CCDC171: variants seen among roughly 807,000 people sequenced by gnomAD.
The protein encoded by CCDC171 is coiled-coil domain containing 171.
A neutral mutation model predicts 168.2 loss-of-function variants in CCDC171; 177 were observed. The observed-to-expected ratio is 1.05, with a 90% CI of 0.93 to 1.19. The LOEUF is 1.19. CCDC171 is among the 50% of genes most tolerant of loss of function. CCDC171 has a pLI of 0.00. For missense variants in CCDC171, 1,991 were observed against 1,539.0 expected (o/e 1.29, Z -4.91); for synonymous variants, 687 against 540.8 (o/e 1.27, Z -3.75).
At chr9:16,017,869 A>G (rs1252321166) in intron 3 of CCDC171, among the ~76,000 whole-genome samples, 1 of 152,210 alleles carries the variant, frequency 6.6e-6, no homozygotes, top group Non-Finnish European at 1.5e-5. Context: ...GCAGCACCGC[A>G]GCACTGGGTC....
chr9:15,886,553 A>G (rs1051669472), intron 24 of CCDC171: 1 of 152,166 alleles, frequency 6.6e-6, no homozygotes, highest in Non-Finnish European at 1.5e-5. Flanking sequence ...GGAAAACAGT[A>G]TGGAATTTCC....
intron 3 of CCDC171, among the ~76,000 whole-genome samples, chr9:15,999,240 AAAGAAAAG>A (rs974121022): frequency 3.0e-4 from 45 of 151,606 alleles, no homozygotes; most frequent in African/African-American, 9.7e-4. Flanking sequence ...AGAAAGATAG[AAAGAAAAG>A]AAAGAAAGAG....
intron 6 of CCDC171, among the ~76,000 whole-genome samples, chr9:15,604,504 T>A (rs1337909917): frequency 2.0e-5 from 3 of 152,234 alleles, no homozygotes; most frequent in African/African-American, 7.2e-5. Flanking sequence ...ATTCTATACC[T>A]CAACCAGGGA....
rs367952979 is a variant in CCDC171 at position 15,874,575 on chromosome 9, A to G, written c.3512A>G (p.Asn1171Ser). 28 of 1,608,690 alleles carry G rather than the reference A, an allele frequency of 1.7e-5. No individual in the cohort carries two copies. In the African/African-American group the frequency reaches 3.2e-4, roughly 18 times the overall value. Residue 1171 changes from asparagine to serine, a missense_variant, in exon 24 of 26, where the codon AAT (asparagine) becomes AGT (serine). Transcript: ENST00000380701. ...ISLSWSAASR[N>S]DFTLQLPKLH... ...CTGTCATGGTCTGCGGCAAGTAGGA[A>G]TGACTTCACCCTACAGCTACCCAAA...
chr9:16,057,635 A>T (rs914097666), intron 1 of CCDC171, among the ~76,000 whole-genome samples: 1 of 152,162 alleles, frequency 6.6e-6, no homozygotes, highest in African/African-American at 2.4e-5. Context: ...TTGTCTCTTC[A>T]TGTGACCTGC....
chr9:16,041,421 G>T (rs565482708), upstream of CCDC171, among the ~76,000 whole-genome samples: 1 of 152,238 alleles, frequency 6.6e-6, no homozygotes, highest in South Asian at 2.1e-4. Flanking sequence ...GGAAGTTTAG[G>T]TGGGAAAGAT....
At chr9:15,605,957 A>G (rs1296802899) in intron 6 of CCDC171, among the ~76,000 whole-genome samples, 1 of 152,180 alleles carries the variant, frequency 6.6e-6, no homozygotes, top group African/African-American at 2.4e-5. Context: ...CATATGTTAC[A>G]TGACACCAGT....
At chr9:15,582,497 A>G (rs2041208118) in intron 4 of CCDC171, among the ~76,000 whole-genome samples, 1 of 152,216 alleles carries the variant, frequency 6.6e-6, no homozygotes, top group Admixed American at 6.5e-5. Context: ...TTATTGTGGC[A>G]CTGTTCACAA....
chr9:15,644,637 G>A (rs1161728023), intron 7 of CCDC171, among the ~76,000 whole-genome samples: 35 of 152,172 alleles, frequency 2.3e-4, no homozygotes, highest in Admixed American at 2.3e-3. Flanking sequence ...ACGGAGCCTC[G>A]CTTATTGCTA....
intron 7 of CCDC171, among the ~76,000 whole-genome samples, chr9:15,648,346 G>A (rs1306986387): frequency 6.6e-6 from 1 of 152,170 alleles, no homozygotes; most frequent in Non-Finnish European, 1.5e-5. Flanking sequence ...ACAATCCAGG[G>A]ATGCCCTCTC....
At chr9:15,636,676 G>A (rs776570454) in intron 7 of CCDC171, among the ~76,000 whole-genome samples, 5 of 151,070 alleles carry the variant, frequency 3.3e-5, no homozygotes, top group African/African-American at 1.2e-4. Flanking sequence ...TTGAGCCTGG[G>A]GAGTTTGGGC....
intron 6 of CCDC171, chr9:16,022,937 C>T (rs1459378499): frequency 2.6e-5 from 4 of 152,166 alleles, no homozygotes; most frequent in East Asian, 3.9e-4. Flanking sequence ...GTTGAATTAC[C>T]AGTGCCCTGG....
At chr9:16,013,721 A>G (rs528952695) in intron 3 of CCDC171, among the ~76,000 whole-genome samples, 4 of 152,266 alleles carry the variant, frequency 2.6e-5, no homozygotes, top group African/African-American at 7.2e-5. Flanking sequence ...TGAGTCACAG[A>G]TAATTTTTAA....
At chr9:15,786,812 C>T (rs1449243248) in intron 21 of CCDC171, among the ~76,000 whole-genome samples, 2 of 152,110 alleles carry the variant, frequency 1.3e-5, no homozygotes, top group African/African-American at 2.4e-5. Context: ...CATTCTTCTC[C>T]AGGACAATGG....
chr9:16,048,123 G>C (rs1303988121), intron 1 of CCDC171, among the ~76,000 whole-genome samples: 1 of 152,244 alleles, frequency 6.6e-6, no homozygotes, highest in Non-Finnish European at 1.5e-5. Flanking sequence ...GTCAAGTTTT[G>C]ACATTGGCTG....
intron 16 of CCDC171, among the ~76,000 whole-genome samples, chr9:15,730,182 C>T (rs569681170): frequency 1.3e-5 from 2 of 151,548 alleles, no homozygotes; most frequent in South Asian, 4.2e-4. Flanking sequence ...TGTGGAGGTT[C>T]CTATGTGAAC....
At chr9:15,577,963 G>C (rs1587094766) in intron 3 of CCDC171, among the ~76,000 whole-genome samples, 1 of 152,290 alleles carries the variant, frequency 6.6e-6, no homozygotes, top group East Asian at 1.9e-4. Flanking sequence ...AGTTGTCTCT[G>C]ACCTTCTGTC....
upstream of CCDC171, among the ~76,000 whole-genome samples, chr9:16,039,726 C>G (rs938521146): frequency 1.3e-5 from 2 of 152,158 alleles, no homozygotes; most frequent in Admixed American, 6.5e-5. Flanking sequence ...AGAATTTGCA[C>G]ACATTACTCC....
Position 15,933,828 on chromosome 9 carries a change from G to T in CCDC171, c.3753+13406G>T, listed in dbSNP as rs139004663. Among the ~76,000 whole-genome samples, 384 of 152,028 alleles carry T rather than the reference G, an allele frequency of 2.5e-3. 1 individual carries two copies. Among genetic ancestry groups the T allele is most frequent in the Non-Finnish European group, 3.0e-3 (205 of 67,932 alleles). On this transcript the variant is annotated intron_variant, in intron 25 of 25. Transcript: ENST00000380701. ...AAAACTATAAAATGCTTAGTAAAATGCATACCAATAAATCTTCATGAGCTT... is the reference window on the plus strand; with the variant it reads ...AAAACTATAAAATGCTTAGTAAAATTCATACCAATAAATCTTCATGAGCTT...
Sources: gnomAD v4.1 joint callset for allele counts (sites outside exome capture counted in the v4.1 genomes callset) on GRCh38, gnomAD v4.1.1 for gene constraint, MANE v1.5 for transcripts, NCBI Gene and HGNC (gene_info 2026-07-23, HGNC 2026-07-21) for gene names.